The following COG6 variants were observed in gnomAD, a reference collection of about 807,000 sequenced individuals.
The protein encoded by COG6 is component of oligomeric golgi complex 6, also known as conserved oligomeric Golgi complex subunit 6.
In COG6, 74 loss-of-function variants were observed where a neutral mutation model predicts 88.8. The observed-to-expected ratio is 0.83, with a 90% CI of 0.69 to 1.01. COG6 has a LOEUF of 1.01. COG6 is among the 50% of genes least tolerant of loss of function. The pLI is 0.00. For synonymous variants in COG6, 286 were observed against 278.7 expected, an observed-to-expected ratio of 1.03 and a Z score of -0.26; for missense variants, 800 against 797.9, an observed-to-expected ratio of 1.00 and a Z score of -0.03.
chr13:39,762,301 A>G (rs1307550195), intron 18 of COG6, among the ~76,000 whole-genome samples: 1 of 151,832 alleles, frequency 6.6e-6, no homozygotes, highest in Non-Finnish European at 1.5e-5. Flanking sequence ...CTCAGGTGAA[A>G]GATAAAAACA....
chr13:39,737,401 A>G (rs1476973808), intron 18 of COG6, among the ~76,000 whole-genome samples: 1 of 151,796 alleles, frequency 6.6e-6, no homozygotes, highest in South Asian at 2.1e-4. Context: ...CCTTCCCTTC[A>G]GGGCAGTGAG....
In COG6 at chr13:39,730,773, CAAAAAAAAAAAAA is replaced by C. The variant is rs569292449; in HGVS notation, c.1826+3239_1826+3251del. Among the ~76,000 whole-genome samples, 7 of 39,466 alleles carry C rather than the reference CAAAAAAAAAAAAA, an allele frequency of 1.8e-4. 1 individual carries two copies. Among genetic ancestry groups the C allele is most frequent in the Middle Eastern group, 0.042 (2 of 48 alleles). The allele number at this position is 39,466 out of a possible 152,430, so 25.9% of individuals were successfully genotyped here. ...TGGGCGACAGAGCAAGACTCCATCT[CAAAAAAAAAAAAA>C]AAAAAAAAAAAAAGATTTAACATTA... is the stretch of plus-strand genomic sequence containing the variant. On this transcript the variant is annotated intron_variant, in intron 18 of 18. Coordinates refer to ENST00000455146, the MANE Select transcript of COG6 (RefSeq NM_020751.3).
intron 4 of COG6, among the ~76,000 whole-genome samples, chr13:39,672,371 C>G (rs1433550256): frequency 2.6e-5 from 4 of 151,918 alleles, no homozygotes; most frequent in Admixed American, 1.3e-4. Flanking sequence ...TCATTATGAT[C>G]TGAATTACAA....
chr13:39,731,288 T>A (rs1879437659), intron 18 of COG6, among the ~76,000 whole-genome samples: 1 of 152,196 alleles, frequency 6.6e-6, no homozygotes, highest in South Asian at 2.1e-4. Context: ...AAAGGAGATT[T>A]TGATTTAGCA....
rs1037315933 is a variant in COG6, at chr13:39,686,761, G to T, written c.789-742G>T. 2.0e-5 allele frequency among the ~76,000 whole-genome samples: 3 copies of T among 152,112 alleles called. No homozygotes were observed. In the East Asian group the frequency reaches 5.8e-4, roughly 29 times the overall value. ...TTTATTTTTTCTGAGACAGGGTCTT[G>T]CTCTGTGGCTCAGGCTGGAGTATAG... On this transcript the variant is annotated intron_variant, in intron 8 of 18. Transcript: ENST00000455146.
intron 18 of COG6, among the ~76,000 whole-genome samples, chr13:39,744,221 C>G (rs1330967789): frequency 6.6e-6 from 1 of 152,158 alleles, no homozygotes; most frequent in Non-Finnish European, 1.5e-5. Flanking sequence ...TCTCACCACT[C>G]CTATTCAACA....
chr13:39,719,850 T>C, intron 15 of COG6, 23 bp downstream of exon 15: 2 of 1,575,018 alleles, frequency 1.3e-6, no homozygotes, highest in South Asian at 1.1e-5. Flanking sequence ...ATAAAATGAC[T>C]ATTGACTATG....
exon 19 of COG6, chr13:39,788,417 T>C: frequency 6.6e-7 from 1 of 1,521,016 alleles, no homozygotes; most frequent in Non-Finnish European, 8.9e-7. Flanking sequence ...TGGGAGGTGA[T>C]GTCTCGGAAA....
intron 8 of COG6, among the ~76,000 whole-genome samples, chr13:39,685,589 T>C (rs4943692): frequency 0.72 from 109,841 of 151,938 alleles, 39,987 homozygotes; most frequent in Admixed American, 0.81. Flanking sequence ...ATTTTTAATA[T>C]AGTTAGTAGG....
chr13:39,791,119 C>G (rs1881925842), exon 19 of COG6: 1 of 152,060 alleles, frequency 6.6e-6, no homozygotes, highest in African/African-American at 2.4e-5. Flanking sequence ...ATCTCGCTAG[C>G]AAGAAGCTGG....
At chr13:39,706,729 G>T (rs981077858) in intron 13 of COG6, among the ~76,000 whole-genome samples, 7 of 152,154 alleles carry the variant, frequency 4.6e-5, no homozygotes, top group African/African-American at 9.6e-5. Context: ...TGTCGTCCAG[G>T]CTGGAGTTCA....
At chr13:39,678,564 T>C (rs1356776543) in intron 5 of COG6, among the ~76,000 whole-genome samples, 1 of 152,200 alleles carries the variant, frequency 6.6e-6, no homozygotes, top group Non-Finnish European at 1.5e-5. Flanking sequence ...AAGAAAAAGT[T>C]TCGTTTCTTT....
intron 18 of COG6, among the ~76,000 whole-genome samples, chr13:39,786,946 A>T (rs1001264495): frequency 6.6e-6 from 1 of 152,218 alleles, no homozygotes; most frequent in Non-Finnish European, 1.5e-5. Context: ...AATGCTCAAG[A>T]CAACTGAGAC....
At chr13:39,745,675 T>C (rs1279903551) in intron 18 of COG6, among the ~76,000 whole-genome samples, 1 of 152,196 alleles carries the variant, frequency 6.6e-6, no homozygotes, top group Admixed American at 6.5e-5. Context: ...TGGAAGACAG[T>C]GTGGCAAATC....
intron 4 of COG6, among the ~76,000 whole-genome samples, chr13:39,665,786 A>G (rs573892772): frequency 1.3e-5 from 2 of 152,370 alleles, no homozygotes; most frequent in Non-Finnish European, 2.9e-5. Context: ...AGTTGGGTAC[A>G]TCACTTAAAC....
At chr13:39,666,288 C>G (rs1593408946) in intron 4 of COG6, among the ~76,000 whole-genome samples, 1 of 152,108 alleles carries the variant, frequency 6.6e-6, no homozygotes, top group Non-Finnish European at 1.5e-5. Context: ...GAAGTCCCAG[C>G]TATTCTGGAG....
At chr13:39,784,161 T>A (rs1289872939) in intron 18 of COG6, among the ~76,000 whole-genome samples, 4 of 152,154 alleles carry the variant, frequency 2.6e-5, no homozygotes, top group African/African-American at 9.6e-5. Context: ...ATCACCTTCA[T>A]TGATGAGCCA....
At chr13:39,722,936 TTTG>T (rs760030010) in intron 15 of COG6, among the ~76,000 whole-genome samples, 1 of 152,224 alleles carries the variant, frequency 6.6e-6, no homozygotes, top group African/African-American at 2.4e-5. Context: ...GTATATTTGA[TTTG>T]TTAAGTCAGT....
At chr13:39,703,899 AT>A (rs1414943914) in intron 13 of COG6, among the ~76,000 whole-genome samples, 84 of 147,638 alleles carry the variant, frequency 5.7e-4, no homozygotes, top group African/African-American at 1.4e-3. Context: ...GCTAATTTAA[AT>A]TTTTTTTTTT....
Sources: allele counts gnomAD v4.1 joint callset (sites outside exome capture counted in the v4.1 genomes callset), GRCh38; gene constraint gnomAD v4.1.1; transcripts MANE v1.5; gene names NCBI Gene and HGNC (gene_info 2026-07-23, HGNC 2026-07-21).